The following DBF4 variants were observed in gnomAD, a reference collection of about 807,000 sequenced individuals.
The protein encoded by DBF4 is DBF4-CDC7 kinase regulatory subunit.
DBF4 carries 25 observed loss-of-function variants against 76.6 expected under a neutral mutation model. The ratio of observed to expected loss-of-function variants is 0.33; its 90% confidence interval spans 0.24 to 0.46. The LOEUF (loss-of-function observed/expected upper bound fraction) is 0.46. Ranked by LOEUF, DBF4 falls within the 20% of genes least tolerant of loss-of-function variation. The probability of loss-of-function intolerance (pLI) is 1.00; values close to 1 mark genes in which losing one functional copy is unlikely to be tolerated. For synonymous variants in DBF4, 213 were observed against 258.0 expected (o/e 0.83, Z 1.67); for missense variants, 638 against 760.8 (o/e 0.84, Z 1.90).
rs1726718707 is a variant in DBF4, at chr7:87,907,597, C to A, written c.1459C>A (p.Gln487Lys). The change falls in exon 12 of 12, where the codon CAG becomes AAG. Residue 487 changes from glutamine to lysine, a missense_variant. Gln to Lys is a moderately conservative substitution (Grantham distance 53). Transcript: ENST00000265728. ...LRVDHYKCNI[Q>K]ASVHVSDFST... ...GGTAGATCACTATAAATGTAACATA[C>A]AGGCATCTGTACATGTTTCTGATTT... is the stretch of plus-strand genomic sequence containing the variant. 6.2e-7 allele frequency: 1 copy of A among 1,613,890 alleles called. No homozygotes were observed. Among genetic ancestry groups the A allele is most frequent in the Non-Finnish European group, 8.5e-7 (1 of 1,179,910 alleles).
At chr7:87,890,016 TA>T (rs1359044492) in intron 6 of DBF4, among the ~76,000 whole-genome samples, 5 of 152,200 alleles carry the variant, frequency 3.3e-5, no homozygotes, top group Non-Finnish European at 5.9e-5. Flanking sequence ...AGTAAATGTT[TA>T]AAAAAATGTA....
At chr7:87,881,443 C>T (rs1056906507) in intron 2 of DBF4, among the ~76,000 whole-genome samples, 7 of 152,058 alleles carry the variant, frequency 4.6e-5, no homozygotes, top group African/African-American at 1.7e-4. Context: ...TCCTTATGTC[C>T]ATCCCATCCT....
intron 6 of DBF4, among the ~76,000 whole-genome samples, chr7:87,891,850 G>A (rs900513965): frequency 6.6e-6 from 1 of 152,102 alleles, no homozygotes; most frequent in African/African-American, 2.4e-5. Flanking sequence ...TAGGTAAAAA[G>A]CTTGAATCAT....
Position 87,896,446 on chromosome 7 carries a change from A to T in DBF4, c.598-28A>T, listed in dbSNP as rs771824506. 3 of 1,602,612 alleles carry T rather than the reference A, an allele frequency of 1.9e-6. No homozygotes were observed. In the African/African-American group the frequency reaches 4.0e-5, roughly 22 times the overall value. Reference sequence around the variant, plus strand: ...CTGTTTTAACTGTACTTTCAAAGCCAATCTTTTCACTATATATTTTTTTTT... The same window carrying T: ...CTGTTTTAACTGTACTTTCAAAGCCTATCTTTTCACTATATATTTTTTTTT... On this transcript the variant is annotated intron_variant, in intron 6 of 11. Coordinates refer to ENST00000265728, the MANE Select transcript of DBF4 (RefSeq NM_006716.4).
intron 6 of DBF4, among the ~76,000 whole-genome samples, chr7:87,890,805 A>C (rs60521777): frequency 0.018 from 2,746 of 152,328 alleles, 96 homozygotes; most frequent in African/African-American, 0.063. Flanking sequence ...GAGCCCTCAT[A>C]AAACGAAGAA....
At position 87,885,158 on chromosome 7, in the gene DBF4, A is replaced by G. The variant is rs376455961; in HGVS notation, c.399A>G (p.Thr133=). 6.3e-6 allele frequency: 10 copies of G among 1,599,736 alleles called. No homozygotes were observed. The African/African-American group carries it at 8.1e-5, about 13-fold the overall frequency. ...HDGSSFKSPD[T]VCLSRGKLLV... ...GAAGTTCATTTAAGTCACCAGACAC[A>G]GTAAGTCTCTTAAATATGCTTTGAG... The change falls in exon 3 of 12, where the codon ACA becomes ACG. Residue 133 remains threonine, a splice_region_variant and synonymous_variant. Coordinates refer to ENST00000265728, the MANE Select transcript of DBF4 (RefSeq NM_006716.4).
intron 2 of DBF4, chr7:87,878,469 T>C: frequency 2.9e-6 from 1 of 348,432 alleles, no homozygotes; most frequent in Non-Finnish European, 5.2e-6. Context: ...TCCCCTGTCC[T>C]AGTGGAACTG....
At chr7:87,890,445 T>C (rs1253612883) in intron 6 of DBF4, among the ~76,000 whole-genome samples, 1 of 152,130 alleles carries the variant, frequency 6.6e-6, no homozygotes, top group Non-Finnish European at 1.5e-5. Context: ...TAGAAGAGAA[T>C]CACTTGAAGC....
chr7:87,878,017 C>A, intron 1 of DBF4, 36 bp from the exon 2 acceptor site: 1 of 1,430,520 alleles, frequency 7.0e-7, no homozygotes. Context: ...GTAAAAGTGT[C>A]TGTGTAAAAC....
intron 5 of DBF4, 56 bp downstream of exon 5, chr7:87,887,454 C>T (rs1164345025): frequency 3.4e-6 from 5 of 1,486,616 alleles, no homozygotes; most frequent in Non-Finnish European, 4.5e-6. Flanking sequence ...CCATGTCTGT[C>T]CTTTGGTTCC....
Position 87,876,773 on chromosome 7 carries a change from T to C in DBF4, c.41T>C (p.Phe14Ser). 6.2e-7 allele frequency: 1 copy of C among 1,614,132 alleles called. No homozygotes were observed. The highest frequency in any genetic ancestry group is 8.5e-7 in the Non-Finnish European group (1 of 1,179,992). ...ATGAGGATCCACAGTAAAGGACATT[T>C]CCAGGGTAAGAAGCCCCTCCTCCGC... Reference protein sequence around the residue: ...GAMRIHSKGHFQGGIQVKNEK... With the variant: ...GAMRIHSKGHSQGGIQVKNEK... The change falls in exon 1 of 12, where the codon TTC becomes TCC. Residue 14 changes from phenylalanine to serine, a missense_variant. Phe to Ser is a radical substitution (Grantham distance 155). Transcript: ENST00000265728.
At chr7:87,907,063 A>C in intron 11 of DBF4, 125 bp from the exon 12 acceptor site, 1 of 1,063,684 alleles carries the variant, frequency 9.4e-7, no homozygotes, top group East Asian at 2.9e-5. Context: ...TTTTTGTAAA[A>C]TTTCCTAAGT....
At chr7:87,879,591 C>A (rs1002321448) in intron 2 of DBF4, among the ~76,000 whole-genome samples, 6 of 152,100 alleles carry the variant, frequency 3.9e-5, no homozygotes, top group Admixed American at 6.5e-5. Flanking sequence ...CCAATTAGAG[C>A]AGTATTAGCT....
chr7:87,891,874 T>G (rs1000927954), intron 6 of DBF4, among the ~76,000 whole-genome samples: 1 of 152,226 alleles, frequency 6.6e-6, no homozygotes, highest in Non-Finnish European at 1.5e-5. Flanking sequence ...TTTGAGACCT[T>G]TCTTTTATCT....
intron 8 of DBF4, among the ~76,000 whole-genome samples, chr7:87,897,904 A>G (rs1839680668): frequency 1.3e-5 from 2 of 152,102 alleles, no homozygotes; most frequent in Admixed American, 6.5e-5. Flanking sequence ...CAGCCTCCCA[A>G]GTAGCTGGGA....
At position 87,907,393 on chromosome 7, in the gene DBF4, C is replaced by G; in HGVS notation, c.1255C>G (p.Pro419Ala). Residue 419 changes from proline to alanine, a missense_variant, in exon 12 of 12, where the codon CCT (proline) becomes GCT (alanine). Coordinates refer to ENST00000265728, the MANE Select transcript of DBF4 (RefSeq NM_006716.4). ...GTTTATTTCAGAGCCCATCCCCCAC[C>G]CTTCAAATGAATTGAGAGGGCTTAA... ...LLFISEPIPH[P>A]SNELRGLNEK... The G allele has an allele frequency of 6.2e-7, 1 of 1,613,948 alleles. No homozygotes were observed. Among genetic ancestry groups the G allele is most frequent in the South Asian group, 1.1e-5 (1 of 91,080 alleles).
Position 87,876,610 on chromosome 7 carries a change from G to A in DBF4, c.-123G>A. The A allele has an allele frequency of 9.1e-7, 1 of 1,102,712 alleles. No homozygotes were observed. Among genetic ancestry groups the A allele is most frequent in the South Asian group, 1.3e-5 (1 of 76,448 alleles). The allele number at this position is 1,102,712 out of a possible 1,614,324, so 68.3% of individuals were successfully genotyped here. On this transcript the variant is annotated 5_prime_UTR_variant, in exon 1 of 12. Coordinates refer to ENST00000265728, the MANE Select transcript of DBF4 (RefSeq NM_006716.4). Reference sequence around the variant, plus strand: ...AGACGCGGTACCTCTACTGCGTAGAGGCCGTAGCTGGCGGAAGGAGAGAGG... The same window carrying A: ...AGACGCGGTACCTCTACTGCGTAGAAGCCGTAGCTGGCGGAAGGAGAGAGG...
chr7:87,883,349 G>A (rs1178675089), intron 2 of DBF4, among the ~76,000 whole-genome samples: 3 of 152,154 alleles, frequency 2.0e-5, no homozygotes, highest in Non-Finnish European at 4.4e-5. Flanking sequence ...AAATGTTTTA[G>A]TAGTGATGGT....
intron 7 of DBF4, 69 bp from the exon 8 acceptor site, chr7:87,897,225 G>C: frequency 7.1e-7 from 1 of 1,417,826 alleles, no homozygotes; most frequent in Non-Finnish European, 9.5e-7. Context: ...TTTTGCCACA[G>C]TAGTTTTATT....
Sources: gnomAD v4.1 joint callset for allele counts (sites outside exome capture counted in the v4.1 genomes callset) on GRCh38, gnomAD v4.1.1 for gene constraint, MANE v1.5 for transcripts, NCBI Gene and HGNC (gene_info 2026-07-23, HGNC 2026-07-21) for gene names.